Variants in ARHGEF9 observed in about 807,000 individuals in gnomAD.
ARHGEF9 encodes rho guanine nucleotide exchange factor 9.
In ARHGEF9, 2 loss-of-function variants were observed where a neutral mutation model predicts 41.3. That is an observed-to-expected ratio of 0.05 (90% CI 0.02 to 0.15). The LOEUF (loss-of-function observed/expected upper bound fraction) is 0.15, where lower values mean the gene tolerates loss of function less well. Ranked by LOEUF, ARHGEF9 falls within the 10% of genes least tolerant of loss-of-function variation. The pLI is 1.00. For synonymous variants in ARHGEF9, 160 were observed against 154.4 expected, an observed-to-expected ratio of 1.04 and a Z score of -0.27; for missense variants, 225 against 424.7, an observed-to-expected ratio of 0.53 and a Z score of 4.13.
chrX:63,701,382 G>A (rs1556395536), intron 3 of ARHGEF9: 1 of 109,968 alleles, frequency 9.1e-6, no homozygotes, highest in Non-Finnish European at 1.9e-5. Context: ...TGGAACCTGA[G>A]GCCTGATAGG....
In ARHGEF9 at chrX:63,673,618, A is replaced by T. The variant is rs75658691; in HGVS notation, c.945+420T>A. ...GCTAGGGTGAGGTGGTATCACCGAT[A>T]AAAAAAAAAGTATGTTGGCTGTCCT... On this transcript the variant is annotated intron_variant, in intron 6 of 9. Coordinates refer to ENST00000671741, the MANE Select transcript of ARHGEF9 (RefSeq NM_001353921.2). Among the ~76,000 whole-genome samples, 38 of 107,150 alleles carry T rather than the reference A, an allele frequency of 3.5e-4. 1 individual carries two copies. The East Asian group carries it at 0.011, about 31-fold the overall frequency. 93.0% of individuals were successfully genotyped at this position (107,150 alleles called of 115,157 possible).
intron 1 of ARHGEF9, among the ~76,000 whole-genome samples, chrX:63,733,710 C>T (rs1229215178): frequency 8.9e-6 from 1 of 112,105 alleles, no homozygotes; most frequent in Non-Finnish European, 1.9e-5. Flanking sequence ...TCCCATTATA[C>T]TATCCAGTTT....
Position 63,636,503 on chromosome X carries a change from C to G in ARHGEF9, c.*1525G>C, listed in dbSNP as rs2047320668. Reference sequence around the variant, plus strand: ...GACACGTTATTCAGAGGGAAAATTGCCCCTGGGCCCCTAACTCACTTGCCC... The same window carrying G: ...GACACGTTATTCAGAGGGAAAATTGGCCCTGGGCCCCTAACTCACTTGCCC... On this transcript the variant is annotated 3_prime_UTR_variant, in exon 10 of 10. Transcript: ENST00000671741. 7.7e-6 allele frequency: 1 copy of G among 129,626 alleles called. No individual in the cohort carries two copies. The highest frequency in any genetic ancestry group is 1.5e-5 in the Non-Finnish European group (1 of 65,419). 10.7% of individuals were successfully genotyped at this position (129,626 alleles called of 1,213,427 possible).
intron 1 of ARHGEF9, among the ~76,000 whole-genome samples, chrX:63,773,189 A>G (rs2056232758): frequency 8.9e-6 from 1 of 112,182 alleles, no homozygotes; most frequent in Non-Finnish European, 1.9e-5. Context: ...AATCAGCATC[A>G]TATGAAAACT....
intron 5 of ARHGEF9, among the ~76,000 whole-genome samples, chrX:63,675,745 C>T (rs1270458368): frequency 1.8e-5 from 2 of 111,692 alleles, no homozygotes; most frequent in South Asian, 3.8e-4. Context: ...GGATAGCAGA[C>T]GTGTTGAGAG....
At position 63,779,053 on chromosome X, in the gene ARHGEF9, A is replaced by G. The variant is rs782299989; in HGVS notation, c.30+6063T>C. On this transcript the variant is annotated intron_variant, in intron 1 of 9. Transcript: ENST00000671741. ...CCAATTGGTAATAGTTTCAGGACTGAGAAACGTAAAAGCCAGGTCCTAAAC... is the reference window on the plus strand; with the variant it reads ...CCAATTGGTAATAGTTTCAGGACTGGGAAACGTAAAAGCCAGGTCCTAAAC... Among the ~76,000 whole-genome samples the G allele has an allele frequency of 2.7e-5, 3 of 112,060 alleles. No individual in the cohort carries two copies. In the South Asian group the frequency reaches 1.1e-3, roughly 42 times the overall value.
intron 7 of ARHGEF9, 72 bp downstream of exon 7, chrX:63,665,814 G>C (rs1473198205): frequency 1.7e-6 from 2 of 1,157,371 alleles, no homozygotes; most frequent in African/African-American, 3.6e-5. Flanking sequence ...GGGAGCCTGG[G>C]GATGATGAAG....
At chrX:63,675,254 C>T (rs1236716086) in intron 5 of ARHGEF9, among the ~76,000 whole-genome samples, 1 of 111,848 alleles carries the variant, frequency 8.9e-6, no homozygotes, top group East Asian at 2.8e-4. Flanking sequence ...TACAGCCAGC[C>T]AAGGACCAAG....
rs376333091 is a variant in ARHGEF9, at chrX:63,704,702, A to G, written c.402+1556T>C. Among the ~76,000 whole-genome samples, 7 of 112,714 alleles carry G rather than the reference A, an allele frequency of 6.2e-5. No homozygotes were observed. The East Asian group carries it at 1.7e-3, about 27-fold the overall frequency. On this transcript the variant is annotated intron_variant, in intron 3 of 9. Coordinates refer to ENST00000671741, the MANE Select transcript of ARHGEF9 (RefSeq NM_001353921.2). The stretch of plus-strand genomic sequence containing the variant: ...CTCAACAAACTTAAGAGATTGCTAT[A>G]ATGAAGCCCATTGGAAAAATAAGAA...
At chrX:63,710,911 C>T (rs181124171) in intron 2 of ARHGEF9, among the ~76,000 whole-genome samples, 19 of 110,297 alleles carry the variant, frequency 1.7e-4, no homozygotes, top group African/African-American at 5.6e-4. Flanking sequence ...GATCATATAA[C>T]GTGATATACA....
chrX:63,667,695 A>C (rs1434015901), intron 6 of ARHGEF9, among the ~76,000 whole-genome samples: 2 of 110,828 alleles, frequency 1.8e-5, no homozygotes, highest in Non-Finnish European at 3.8e-5. Flanking sequence ...TTTTCTAATA[A>C]TAGAACCCCC....
intron 6 of ARHGEF9, among the ~76,000 whole-genome samples, chrX:63,673,542 G>C (rs2050084488): frequency 9.0e-6 from 1 of 110,888 alleles, no homozygotes; most frequent in South Asian, 3.9e-4. Flanking sequence ...TGGCAGGGAT[G>C]ATGGTTGTGG....
chrX:63,649,164 C>A (rs782776458), intron 8 of ARHGEF9, among the ~76,000 whole-genome samples: 1 of 111,943 alleles, frequency 8.9e-6, no homozygotes, highest in East Asian at 2.8e-4. Context: ...CTCAGCACCA[C>A]ACCTATTCCA....
intron 2 of ARHGEF9, among the ~76,000 whole-genome samples, chrX:63,710,728 T>C (rs1417998923): frequency 2.7e-5 from 3 of 111,546 alleles, no homozygotes; most frequent in Non-Finnish European, 5.7e-5. Context: ...GTTAATATCA[T>C]ATTTAATGGT....
chrX:63,675,098 G>T (rs2050178286), intron 5 of ARHGEF9, among the ~76,000 whole-genome samples: 5 of 111,638 alleles, frequency 4.5e-5, no homozygotes, highest in Admixed American at 3.8e-4. Flanking sequence ...CCTAGGTATA[G>T]GATAGTAGAT....
At chrX:63,707,539 C>G (rs2052635601) in intron 2 of ARHGEF9, 1 of 110,542 alleles carries the variant, frequency 9.0e-6, no homozygotes, top group Non-Finnish European at 1.9e-5. Context: ...GGTGGGCCCG[C>G]TTGGCAGAGT....
chrX:63,750,693 G>T (rs1270895480), intron 1 of ARHGEF9, among the ~76,000 whole-genome samples: 4 of 111,026 alleles, frequency 3.6e-5, no homozygotes, highest in African/African-American at 1.3e-4. Context: ...GAAAAAAATT[G>T]TTTTTTCAGG....
intron 2 of ARHGEF9, chrX:63,716,239 G>C (rs2053289978): frequency 9.2e-6 from 1 of 109,086 alleles, no homozygotes; most frequent in Non-Finnish European, 1.9e-5. Context: ...AGCGAGCCAT[G>C]ATCACACCAC....
chrX:63,640,595 T>C (rs2047564530), intron 9 of ARHGEF9: 1 of 112,097 alleles, frequency 8.9e-6, no homozygotes, highest in South Asian at 3.7e-4. Context: ...ATATCAATAC[T>C]TAAAATGAAA....
Sources: gnomAD v4.1 joint callset for allele counts (sites outside exome capture counted in the v4.1 genomes callset) on GRCh38, gnomAD v4.1.1 for gene constraint, MANE v1.5 for transcripts, NCBI Gene and HGNC (gene_info 2026-07-23, HGNC 2026-07-21) for gene names.